Variants in ZC2HC1B observed in about 807,000 individuals in gnomAD.
ZC2HC1B encodes zinc finger C2HC domain-containing protein 1B.
A neutral mutation model predicts 31.0 loss-of-function variants in ZC2HC1B; 36 were observed. That is an observed-to-expected ratio of 1.16 (90% CI 0.89 to 1.54). The LOEUF (loss-of-function observed/expected upper bound fraction) is 1.54. Among genes scored for constraint, ZC2HC1B ranks in the 40% most tolerant of loss-of-function variants. The probability of loss-of-function intolerance (pLI) is 0.00; values close to 1 mark genes in which losing one functional copy is unlikely to be tolerated. For missense variants in ZC2HC1B, 260 were observed against 268.6 expected, an observed-to-expected ratio of 0.97 and a Z score of 0.22; for synonymous variants, 73 against 88.0, an observed-to-expected ratio of 0.83 and a Z score of 0.95.
At chr6:143,882,334 TTATATATATATATATATATATATA>T (rs59777839) in intron 1 of ZC2HC1B, among the ~76,000 whole-genome samples, 4 of 85,554 alleles carry the variant, frequency 4.7e-5, no homozygotes, top group African/African-American at 1.3e-4. Context: ...TTTATATTTT[TTATATATATATATATATATATATA>T]TATATATATA....
At chr6:143,891,020 A>G (rs1777595074) in intron 4 of ZC2HC1B, among the ~76,000 whole-genome samples, 1 of 151,430 alleles carries the variant, frequency 6.6e-6, no homozygotes, top group Admixed American at 6.6e-5. Context: ...AATCCCAGTT[A>G]CTCGGGAGGC....
Position 143,903,559 on chromosome 6 carries a change from AATATT to A in ZC2HC1B, c.598+411_598+415del, listed in dbSNP as rs1421935926. 2.6e-5 allele frequency among the ~76,000 whole-genome samples: 4 copies of A among 152,218 alleles called. No homozygotes were observed. The highest frequency in any genetic ancestry group is 3.2e-3 in the Middle Eastern group (1 of 316). On this transcript the variant is annotated intron_variant, in intron 6 of 7. Transcript: ENST00000237275. This position sits in a 1 kb window ranked among gnomAD's most constrained non-coding sequence, Gnocchi z 4.3. Reference sequence around the variant, plus strand: ...TCCTGATAAGCCCATTGTAAATAGAAATATTATAAGTCAAAAATGCATTTAACATC... The same window carrying A: ...TCCTGATAAGCCCATTGTAAATAGAAATAAGTCAAAAATGCATTTAACATC...
chr6:143,916,942 T>C (rs565618572), intron 6 of ZC2HC1B, among the ~76,000 whole-genome samples: 94 of 152,306 alleles, frequency 6.2e-4, no homozygotes, highest in African/African-American at 2.2e-3. Flanking sequence ...TGGGGGACTG[T>C]TGGGAAGGCA....
intron 5 of ZC2HC1B, among the ~76,000 whole-genome samples, chr6:143,901,063 C>A (rs1582963715): frequency 6.7e-6 from 1 of 148,700 alleles, no homozygotes; most frequent in South Asian, 2.2e-4. Flanking sequence ...GGTCACAAAC[C>A]CCTGACCTCA....
At chr6:143,890,398 C>CA (rs35848743) in intron 4 of ZC2HC1B, among the ~76,000 whole-genome samples, 1,677 of 63,180 alleles carry the variant, frequency 0.027, 17 homozygotes, top group Non-Finnish European at 0.032. Flanking sequence ...CAATACAATA[C>CA]AAAAAAAAAA....
rs910422210 is a variant in ZC2HC1B, at chr6:143,884,498, T to C, written c.90+133T>C. 7.9e-6 allele frequency: 6 copies of C among 759,000 alleles called. No homozygotes were observed. In the African/African-American group the frequency reaches 1.1e-4, roughly 13 times the overall value. The allele number at this position is 759,000 out of a possible 1,614,324, so 47.0% of individuals were successfully genotyped here. ...AAGGGAAGAGGAAAAGTACATAACCTATGGCTGGTGGGCCCAGAGAACACT... is the reference window on the plus strand; with the variant it reads ...AAGGGAAGAGGAAAAGTACATAACCCATGGCTGGTGGGCCCAGAGAACACT... On this transcript the variant is annotated intron_variant, in intron 2 of 7. Coordinates refer to ENST00000237275, the MANE Select transcript of ZC2HC1B (RefSeq NM_001013623.3). This position sits in a 1 kb window ranked among gnomAD's most constrained non-coding sequence, Gnocchi z 5.1.
rs1024897868 is a variant in ZC2HC1B at position 143,898,608 on chromosome 6, CA to C, written c.407del (p.His136LeufsTer66). 5 of 1,551,754 alleles carry C rather than the reference CA, an allele frequency of 3.2e-6. No individual in the cohort carries two copies. In the African/African-American group the frequency reaches 6.8e-5, roughly 21 times the overall value. ...RRFNESAAER[H>X]TNFCKDQSSR... ...GTTTAATGAAAGCGCAGCTGAGCGACATACTAATTTCTGCAAGGATCAGTCT... is the reference window on the plus strand; with the variant it reads ...GTTTAATGAAAGCGCAGCTGAGCGACTACTAATTTCTGCAAGGATCAGTCT... On this transcript the variant is annotated frameshift_variant, in exon 5 of 8. Transcript: ENST00000237275. LOFTEE classifies it high-confidence loss of function.
At chr6:143,926,493 A>AT (rs35060996) in intron 6 of ZC2HC1B, among the ~76,000 whole-genome samples, 58,099 of 150,612 alleles carry the variant, frequency 0.39, 11,502 homozygotes, top group South Asian at 0.48. Flanking sequence ...TATGATTTTG[A>AT]TTTTTTTTTT....
At chr6:143,914,190 CT>C (rs1311763744) in intron 6 of ZC2HC1B, among the ~76,000 whole-genome samples, 1 of 151,954 alleles carries the variant, frequency 6.6e-6, no homozygotes, top group South Asian at 2.1e-4. Context: ...GATTTGAGAT[CT>C]TTTTTGTTTT....
intron 4 of ZC2HC1B, among the ~76,000 whole-genome samples, chr6:143,888,129 A>G (rs962440319): frequency 4.6e-5 from 7 of 152,098 alleles, no homozygotes. Flanking sequence ...GTGGATATCC[A>G]GTTATCTCAG....
rs1356864754 is a variant in ZC2HC1B at position 143,885,991 on chromosome 6, G to A, written c.91-41G>A. The A allele has an allele frequency of 6.7e-7, 1 of 1,484,804 alleles. No homozygotes were observed. Among genetic ancestry groups the A allele is most frequent in the East Asian group, 2.5e-5 (1 of 39,400 alleles). 92.0% of individuals were successfully genotyped at this position (1,484,804 alleles called of 1,614,324 possible). ...TACACCTAGGCATTAAAAACTGATT[G>A]TGCACTTTAGAAATTCCAATCCCTA... On this transcript the variant is annotated intron_variant, in intron 2 of 7. Transcript: ENST00000237275. The surrounding 1 kb of genome is among the most constrained non-coding windows in gnomAD (Gnocchi z 4.2).
chr6:143,903,291 G>T lies in ZC2HC1B; in HGVS notation c.598+139G>T. 4.2e-6 allele frequency: 3 copies of T among 719,888 alleles called. No homozygotes were observed. The highest frequency in any genetic ancestry group is 6.9e-6 in the Non-Finnish European group (3 of 432,124). 44.6% of individuals were successfully genotyped at this position (719,888 alleles called of 1,614,324 possible). ...TGGATGCAAAGATATTTGGGTTAGA[G>T]GTTAAAGCTTATTTGCCAAAAGGGA... On this transcript the variant is annotated intron_variant, in intron 6 of 7. Coordinates refer to ENST00000237275, the MANE Select transcript of ZC2HC1B (RefSeq NM_001013623.3). This position sits in a 1 kb window ranked among gnomAD's most constrained non-coding sequence, Gnocchi z 4.3.
At chr6:143,914,348 T>G (rs1320292974) in intron 6 of ZC2HC1B, among the ~76,000 whole-genome samples, 10 of 152,214 alleles carry the variant, frequency 6.6e-5, no homozygotes, top group Admixed American at 4.6e-4. Context: ...TAACATTGGT[T>G]GCTTAAGAGT....
In ZC2HC1B at chr6:143,921,391, CTATTG is replaced by C. The variant is rs1328440362; in HGVS notation, c.599-16255_599-16251del. Among the ~76,000 whole-genome samples, 1 of 152,166 alleles carries C rather than the reference CTATTG, an allele frequency of 6.6e-6. No individual in the cohort carries two copies. Among genetic ancestry groups the C allele is most frequent in the Non-Finnish European group, 1.5e-5 (1 of 68,032 alleles). ...GGGGAATTCTCTACTGTATCTTTCT[CTATTG>C]TACTGGAATATCCCTACTTTTTAGA... On this transcript the variant is annotated intron_variant, in intron 6 of 7. Coordinates refer to ENST00000237275, the MANE Select transcript of ZC2HC1B (RefSeq NM_001013623.3). The surrounding 1 kb of genome is among the most constrained non-coding windows in gnomAD (Gnocchi z 6.1).
intron 1 of ZC2HC1B, among the ~76,000 whole-genome samples, chr6:143,879,631 A>G (rs1342245951): frequency 6.6e-6 from 1 of 152,142 alleles, no homozygotes; most frequent in East Asian, 1.9e-4. Flanking sequence ...CTTCTCTACC[A>G]TGCTCCTTTA....
At chr6:143,889,923 G>A (rs1187473567) in intron 4 of ZC2HC1B, among the ~76,000 whole-genome samples, 1 of 152,060 alleles carries the variant, frequency 6.6e-6, no homozygotes, top group Non-Finnish European at 1.5e-5. Flanking sequence ...CCACAAAGTA[G>A]GTCTCAAATT....
intron 6 of ZC2HC1B, among the ~76,000 whole-genome samples, chr6:143,909,615 G>T (rs1009975896): frequency 1.4e-5 from 2 of 138,906 alleles, no homozygotes; most frequent in African/African-American, 5.4e-5. Flanking sequence ...CAGGCATTCT[G>T]TTTCTTCCCT....
chr6:143,910,097 T>C (rs1024255659), intron 6 of ZC2HC1B, among the ~76,000 whole-genome samples: 1 of 152,236 alleles, frequency 6.6e-6, no homozygotes, highest in Non-Finnish European at 1.5e-5. Context: ...GAGATTCTGG[T>C]ACACTGTATC....
At chr6:143,935,674 T>TTG (rs869162265) in intron 6 of ZC2HC1B, among the ~76,000 whole-genome samples, 3,595 of 120,588 alleles carry the variant, frequency 0.03, 383 homozygotes, top group East Asian at 0.13. Context: ...TTTTTTTTTT[T>TTG]GAGACAGGAT....
Sources: allele counts gnomAD v4.1 joint callset (sites outside exome capture counted in the v4.1 genomes callset), GRCh38; gene constraint gnomAD v4.1.1; non-coding constraint Gnocchi (gnomAD v3.1); transcripts MANE v1.5; gene names NCBI Gene and HGNC (gene_info 2026-07-23, HGNC 2026-07-21).